The following RIT2 variants were observed in gnomAD, a reference collection of about 807,000 sequenced individuals.
RIT2 encodes the protein GTP-binding protein Rit2.
In RIT2, 24 loss-of-function variants were observed where a neutral mutation model predicts 23.7. The observed-to-expected ratio is 1.01, with a 90% CI of 0.73 to 1.43. The LOEUF (loss-of-function observed/expected upper bound fraction) is 1.43. Among genes scored for constraint, RIT2 ranks in the 40% most tolerant of loss-of-function variants. The pLI is 0.00. For missense variants in RIT2, 236 were observed against 266.9 expected, an observed-to-expected ratio of 0.88 and a Z score of 0.81; for synonymous variants, 107 against 91.1, an observed-to-expected ratio of 1.17 and a Z score of -0.99.
At chr18:42,957,267 T>C (rs1467089057) in intron 3 of RIT2, among the ~76,000 whole-genome samples, 1 of 152,176 alleles carries the variant, frequency 6.6e-6, no homozygotes, top group Non-Finnish European at 1.5e-5. Flanking sequence ...TATATTTTGA[T>C]ACGATTAAAG....
At chr18:42,993,091 C>CGCCT (rs987101663) in intron 2 of RIT2, among the ~76,000 whole-genome samples, 19 of 152,194 alleles carry the variant, frequency 1.2e-4, no homozygotes, top group Admixed American at 1.3e-4. Context: ...AACTTCCAAA[C>CGCCT]GCCTGAACCG....
At chr18:42,822,388 A>G (rs1906177064) in intron 4 of RIT2, among the ~76,000 whole-genome samples, 2 of 152,082 alleles carry the variant, frequency 1.3e-5, no homozygotes, top group Non-Finnish European at 2.9e-5. Flanking sequence ...AATTTCACTC[A>G]CGTTGAAGAA....
intron 3 of RIT2, among the ~76,000 whole-genome samples, chr18:42,944,211 G>A (rs549450569): frequency 3.9e-5 from 6 of 152,146 alleles, no homozygotes; most frequent in East Asian, 1.9e-4. Flanking sequence ...GTCACTTACC[G>A]AGCCTCACTT....
chr18:42,839,440 C>A (rs1906704700), intron 4 of RIT2, among the ~76,000 whole-genome samples: 1 of 152,164 alleles, frequency 6.6e-6, no homozygotes, highest in Non-Finnish European at 1.5e-5. Context: ...AAGCTTATAT[C>A]TTGGCCTGGG....
At chr18:42,890,892 G>A (rs1311147289) in intron 4 of RIT2, among the ~76,000 whole-genome samples, 3 of 152,074 alleles carry the variant, frequency 2.0e-5, no homozygotes, top group South Asian at 2.1e-4. Flanking sequence ...TATAATTCTA[G>A]GAGCAATGCT....
At chr18:42,851,753 G>A (rs1383758093) in intron 4 of RIT2, among the ~76,000 whole-genome samples, 1 of 152,172 alleles carries the variant, frequency 6.6e-6, no homozygotes, top group Admixed American at 6.5e-5. Flanking sequence ...CAGAGGCTGA[G>A]GCAGGGGAAT....
chr18:42,898,603 T>G (rs1908393848), intron 4 of RIT2, among the ~76,000 whole-genome samples: 1 of 150,780 alleles, frequency 6.6e-6, no homozygotes, highest in South Asian at 2.1e-4. Context: ...ATTATATAAT[T>G]TGTTTGATTA....
intron 3 of RIT2, among the ~76,000 whole-genome samples, chr18:42,925,323 A>G (rs1006385985): frequency 2.0e-5 from 3 of 152,046 alleles, no homozygotes; most frequent in Non-Finnish European, 2.9e-5. Context: ...TCAAAACCCC[A>G]TAATTGACAG....
intron 4 of RIT2, among the ~76,000 whole-genome samples, chr18:42,908,004 C>T (rs1335801743): frequency 2.0e-5 from 3 of 149,934 alleles, no homozygotes; most frequent in African/African-American, 7.4e-5. Flanking sequence ...TAAAATGCTT[C>T]AATAATCATT....
At chr18:42,821,533 A>G (rs1016721859) in intron 4 of RIT2, among the ~76,000 whole-genome samples, 9 of 152,092 alleles carry the variant, frequency 5.9e-5, no homozygotes, top group Non-Finnish European at 1.3e-4. Flanking sequence ...ATGGTTGTCA[A>G]GACTGGAAGA....
chr18:42,866,113 C>G (rs552251297), intron 4 of RIT2, among the ~76,000 whole-genome samples: 1 of 152,238 alleles, frequency 6.6e-6, no homozygotes, highest in South Asian at 2.1e-4. Context: ...ACAAAAGATG[C>G]CTTGGACCTG....
intron 4 of RIT2, among the ~76,000 whole-genome samples, chr18:42,895,846 C>A (rs893097787): frequency 6.6e-6 from 1 of 152,170 alleles, no homozygotes; most frequent in Non-Finnish European, 1.5e-5. Context: ...CTTAGTAAAT[C>A]ATGAATAGGC....
chr18:42,763,180 C>T (rs952892774), intron 4 of RIT2, among the ~76,000 whole-genome samples: 36 of 152,170 alleles, frequency 2.4e-4, no homozygotes, highest in African/African-American at 7.2e-4. Flanking sequence ...AATGGTACAC[C>T]GGCTGGGTGC....
chr18:42,965,099 A>C (rs994543071), intron 3 of RIT2, among the ~76,000 whole-genome samples: 4 of 152,200 alleles, frequency 2.6e-5, no homozygotes. Flanking sequence ...AAACTATTTA[A>C]ATTTGTTTGA....
At chr18:42,800,137 T>C (rs1430989495) in intron 4 of RIT2, among the ~76,000 whole-genome samples, 1 of 152,178 alleles carries the variant, frequency 6.6e-6, no homozygotes, top group Non-Finnish European at 1.5e-5. Context: ...TTTTAAAAAA[T>C]CATTATTAAC....
At chr18:43,066,448 A>G (rs1249336601) in intron 1 of RIT2, among the ~76,000 whole-genome samples, 1 of 152,218 alleles carries the variant, frequency 6.6e-6, no homozygotes, top group East Asian at 1.9e-4. Flanking sequence ...CTTACAGAAT[A>G]AATATTTCAG....
Position 42,922,175 on chromosome 18 carries a change from T to C in RIT2, c.426+1397A>G, listed in dbSNP as rs534547258. ...CACAAAAATGCATTGCACTAAATCA[T>C]AGAAATACGTTCCCGGTTAAACATC... On this transcript the variant is annotated intron_variant, in intron 4 of 4. Coordinates refer to ENST00000326695, the MANE Select transcript of RIT2 (RefSeq NM_002930.4). Among the ~76,000 whole-genome samples, 61 of 152,302 alleles carry C rather than the reference T, an allele frequency of 4.0e-4. No homozygotes were observed. In the East Asian group the frequency reaches 0.011, roughly 28 times the overall value.
At chr18:43,022,625 T>C (rs974312575) in intron 2 of RIT2, among the ~76,000 whole-genome samples, 2 of 152,094 alleles carry the variant, frequency 1.3e-5, no homozygotes, top group Non-Finnish European at 2.9e-5. Flanking sequence ...CATATTAACC[T>C]CCTGACATTT....
chr18:43,045,651 G>C (rs1357332697), intron 1 of RIT2, among the ~76,000 whole-genome samples: 1 of 152,136 alleles, frequency 6.6e-6, no homozygotes, highest in Non-Finnish European at 1.5e-5. Flanking sequence ...AGAGATCATA[G>C]AATAGTCAAC....
Sources: allele counts gnomAD v4.1 joint callset (sites outside exome capture counted in the v4.1 genomes callset), GRCh38; gene constraint gnomAD v4.1.1; transcripts MANE v1.5; gene names NCBI Gene and HGNC (gene_info 2026-07-23, HGNC 2026-07-21).